ZNF407: variants seen among roughly 807,000 people sequenced by gnomAD.
The protein encoded by ZNF407 is zinc finger protein 407.
Under a neutral mutation model 131.2 loss-of-function variants are expected in ZNF407, and 17 were observed. That is an observed-to-expected ratio of 0.13 (90% confidence interval 0.09 to 0.19). ZNF407 has a LOEUF of 0.19. ZNF407 is among the 10% of genes least tolerant of loss of function. The probability of loss-of-function intolerance (pLI) is 1.00; values close to 1 mark genes in which losing one functional copy is unlikely to be tolerated. For missense variants in ZNF407, 2,681 were observed against 2,830.6 expected (o/e 0.95, Z 1.20); for synonymous variants, 1,156 against 1,062.0 (o/e 1.09, Z -1.72).
intron 1 of ZNF407, among the ~76,000 whole-genome samples, chr18:74,611,632 T>C (rs1001430998): frequency 5.3e-5 from 8 of 152,214 alleles, no homozygotes; most frequent in East Asian, 1.9e-4. Context: ...GGAATGCTTA[T>C]ATACAGCTGG....
chr18:75,052,329 C>G (rs117795381), intron 8 of ZNF407, among the ~76,000 whole-genome samples: 1,847 of 152,242 alleles, frequency 0.012, 17 homozygotes, highest in South Asian at 0.032. Flanking sequence ...CGCGCTTATG[C>G]TAGATTGCCT....
intron 8 of ZNF407, among the ~76,000 whole-genome samples, chr18:75,046,450 C>T (rs935776948): frequency 6.6e-6 from 1 of 152,146 alleles, no homozygotes; most frequent in Non-Finnish European, 1.5e-5. Context: ...TGCATCCCTC[C>T]ACTCATTTTA....
chr18:74,942,147 C>T (rs556071592), intron 8 of ZNF407, among the ~76,000 whole-genome samples: 99 of 152,224 alleles, frequency 6.5e-4, no homozygotes, highest in Non-Finnish European at 7.6e-4. Context: ...TTAATATAAA[C>T]TAGAGGAAAG....
At chr18:74,781,367 G>A in intron 3 of ZNF407, 61 bp from the exon 4 acceptor site, 1 of 1,165,896 alleles carries the variant, frequency 8.6e-7, no homozygotes, top group Non-Finnish European at 1.2e-6. Flanking sequence ...AGTTCTCTTT[G>A]TACAGATTTC....
In ZNF407 at chr18:74,744,797, T is replaced by TTGCTAATGTAA. The variant is rs766331174; in HGVS notation, c.4803-36630_4803-36629insGCTAATGTAAT. Among the ~76,000 whole-genome samples, 9 of 152,062 alleles carry TTGCTAATGTAA rather than the reference T, an allele frequency of 5.9e-5. 1 individual carries two copies. Among genetic ancestry groups the TTGCTAATGTAA allele is most frequent in the African/African-American group, 1.9e-4 (8 of 41,524 alleles). The stretch of plus-strand genomic sequence containing the variant: ...AGGCAATGTATTAGTGTGTAATACA[T>TTGCTAATGTAA]TACTAATGTACTAAGCAGTGTATTA... On this transcript the variant is annotated intron_variant, in intron 3 of 8. Transcript: ENST00000299687.
chr18:74,906,926 GTA>G (rs777635657), intron 7 of ZNF407, among the ~76,000 whole-genome samples: 2 of 152,128 alleles, frequency 1.3e-5, no homozygotes. Flanking sequence ...TGCCATAGAT[GTA>G]TATGTGTGTG....
intron 3 of ZNF407, among the ~76,000 whole-genome samples, chr18:74,709,597 G>A (rs1031710052): frequency 2.0e-5 from 3 of 152,194 alleles, no homozygotes; most frequent in Admixed American, 6.5e-5. Flanking sequence ...TACAGATGGC[G>A]TTATTCAATC....
chr18:74,712,017 G>A (rs913275229), intron 3 of ZNF407, among the ~76,000 whole-genome samples: 2 of 152,132 alleles, frequency 1.3e-5, no homozygotes, highest in African/African-American at 4.8e-5. Context: ...GCCCTTATTA[G>A]TTTATTTAAA....
intron 8 of ZNF407, among the ~76,000 whole-genome samples, chr18:75,018,899 A>G (rs1973075513): frequency 6.6e-6 from 1 of 152,138 alleles, no homozygotes; most frequent in Non-Finnish European, 1.5e-5. Flanking sequence ...ACACATATTA[A>G]TAATGTATAT....
At chr18:75,058,167 G>A (rs1039744) in intron 8 of ZNF407, among the ~76,000 whole-genome samples, 20,734 of 152,108 alleles carry the variant, frequency 0.14, 1,464 homozygotes, top group South Asian at 0.21. Flanking sequence ...AATGGAGCTT[G>A]TGTTTTTCCA....
At position 75,064,532 on chromosome 18, in the gene ZNF407, G is replaced by A; in HGVS notation, c.*64G>A. 6.7e-6 allele frequency: 9 copies of A among 1,339,250 alleles called. No homozygotes were observed. The highest frequency in any genetic ancestry group is 1.5e-5 in the African/African-American group (1 of 67,794). 83.0% of individuals were successfully genotyped at this position (1,339,250 alleles called of 1,614,324 possible). A position where few individuals can be genotyped will look rare whatever the true frequency, so the allele number is the denominator to read the frequency against. On this transcript the variant is annotated 3_prime_UTR_variant, in exon 9 of 9. Transcript: ENST00000299687. ...GAAGGTCCAGCTTCGGTGGGGGACC[G>A]TGTTCCCTGAGCTTCATCTGAAACC... is the stretch of plus-strand genomic sequence containing the variant.
intron 3 of ZNF407, among the ~76,000 whole-genome samples, chr18:74,733,390 T>C (rs1968338865): frequency 6.6e-6 from 1 of 152,176 alleles, no homozygotes; most frequent in African/African-American, 2.4e-5. Flanking sequence ...TTATAAGATT[T>C]CTTCTTTCAA....
intron 3 of ZNF407, among the ~76,000 whole-genome samples, chr18:74,752,042 T>A: frequency 6.6e-6 from 1 of 152,230 alleles, no homozygotes; most frequent in Non-Finnish European, 1.5e-5. Context: ...TGTTGTTGCC[T>A]GACTTTTTAA....
intron 4 of ZNF407, among the ~76,000 whole-genome samples, chr18:74,783,042 T>C (rs1484193988): frequency 6.6e-6 from 1 of 152,212 alleles, no homozygotes; most frequent in Non-Finnish European, 1.5e-5. Flanking sequence ...TTGCGACATG[T>C]CAAAGTTATG....
intron 3 of ZNF407, among the ~76,000 whole-genome samples, chr18:74,728,010 G>T (rs559010467): frequency 3.3e-5 from 5 of 152,098 alleles, no homozygotes; most frequent in African/African-American, 1.2e-4. Context: ...CTCTCCTACC[G>T]CAGCCTTCCT....
At chr18:74,779,066 A>G (rs571447770) in intron 3 of ZNF407, among the ~76,000 whole-genome samples, 4 of 131,084 alleles carry the variant, frequency 3.1e-5, no homozygotes, top group Non-Finnish European at 4.7e-5. Context: ...TGGGTCAGTA[A>G]TTTAATGCTA....
At chr18:74,629,923 C>T (rs1354953872) in intron 1 of ZNF407, among the ~76,000 whole-genome samples, 6 of 152,124 alleles carry the variant, frequency 3.9e-5, no homozygotes, top group African/African-American at 1.4e-4. Flanking sequence ...TCAAAATTTA[C>T]TCCATTAATT....
At chr18:75,016,286 T>C (rs1052889774) in intron 8 of ZNF407, among the ~76,000 whole-genome samples, 5 of 152,104 alleles carry the variant, frequency 3.3e-5, no homozygotes, top group African/African-American at 1.2e-4. Context: ...TTTTCTCATT[T>C]CCTTATTTGG....
chr18:74,749,883 G>A (rs1195112531), intron 3 of ZNF407, among the ~76,000 whole-genome samples: 1 of 152,164 alleles, frequency 6.6e-6, no homozygotes, highest in Non-Finnish European at 1.5e-5. Flanking sequence ...TATTGGAGAT[G>A]TATCTTATTG....
Sources: gnomAD v4.1 joint callset for allele counts (sites outside exome capture counted in the v4.1 genomes callset) on GRCh38, gnomAD v4.1.1 for gene constraint, MANE v1.5 for transcripts, NCBI Gene and HGNC (gene_info 2026-07-23, HGNC 2026-07-21) for gene names.